Variants in USP20 observed in about 807,000 individuals in gnomAD.
USP20 encodes the protein ubiquitin carboxyl-terminal hydrolase 20.
A neutral mutation model predicts 124.2 loss-of-function variants in USP20; 80 were observed. The ratio of observed to expected loss-of-function variants is 0.64; its 90% CI spans 0.54 to 0.78. USP20 has a LOEUF of 0.78. Among genes scored for constraint, USP20 ranks in the 30% least tolerant of loss-of-function variants. The probability of loss-of-function intolerance (pLI) is 0.00; values close to 1 mark genes in which losing one functional copy is unlikely to be tolerated. For synonymous variants in USP20, 481 were observed against 512.3 expected, an observed-to-expected ratio of 0.94 and a Z score of 0.83; for missense variants, 1,043 against 1,244.4, an observed-to-expected ratio of 0.84 and a Z score of 2.44.
Position 129,835,511 on chromosome 9 carries a change from G to A in USP20, c.-129+12G>A, listed in dbSNP as rs2031740759. ...AGTTGCGAGTGCAGGTGAGTTCCGG[G>A]CCGCCACCGGCTGCTTCTGTGGGCC... On this transcript the variant is annotated intron_variant, in intron 1 of 25. Coordinates refer to ENST00000372429, the MANE Select transcript of USP20 (RefSeq NM_001110303.4). 6.6e-6 allele frequency: 2 copies of A among 302,900 alleles called. No individual in the cohort carries two copies. Among genetic ancestry groups the A allele is most frequent in the South Asian group, 6.1e-5 (1 of 16,440 alleles). The allele number at this position is 302,900 out of a possible 1,614,324, so 18.8% of individuals were successfully genotyped here. A position where few individuals can be genotyped will look rare whatever the true frequency, so the allele number is the denominator to read the frequency against.
At chr9:129,841,840 G>A (rs72755261) in intron 1 of USP20, among the ~76,000 whole-genome samples, 43 of 152,136 alleles carry the variant, frequency 2.8e-4, no homozygotes, top group African/African-American at 8.7e-4. Flanking sequence ...AGTCCCCTGC[G>A]GTGTGTCTGA....
At chr9:129,845,621 G>A (rs938521065) in intron 1 of USP20, among the ~76,000 whole-genome samples, 1 of 151,852 alleles carries the variant, frequency 6.6e-6, no homozygotes, top group African/African-American at 2.4e-5. Context: ...GCAGCCTTGA[G>A]CTTAAGGGAT....
Position 129,879,475 on chromosome 9 carries a change from C to A in USP20, c.2513-98C>A. The A allele has an allele frequency of 1.6e-6, 2 of 1,282,084 alleles. No individual in the cohort carries two copies. The highest frequency in any genetic ancestry group is 1.8e-5 in the Admixed American group (1 of 54,516). The allele number at this position is 1,282,084 out of a possible 1,614,324, so 79.4% of individuals were successfully genotyped here. ...CATCCATTAGAGACTTCACGCTGAC[C>A]CCCAGGCCTGGGGCGGCCCCACTTG... On this transcript the variant is annotated intron_variant, in intron 23 of 25. Transcript: ENST00000372429. The surrounding 1 kb of genome is among the most constrained non-coding windows in gnomAD (Gnocchi z 4.2).
At chr9:129,873,392 T>C (rs1009842332) in intron 15 of USP20, 90 bp from the exon 16 acceptor site, 5 of 1,542,108 alleles carry the variant, frequency 3.2e-6, no homozygotes, top group African/African-American at 1.4e-5. Flanking sequence ...CCAGGTTTTA[T>C]TTCTTAAGCA....
intron 8 of USP20, 68 bp downstream of exon 8, chr9:129,861,680 C>T (rs779776651): frequency 7.4e-6 from 11 of 1,484,872 alleles, no homozygotes; most frequent in Non-Finnish European, 1.0e-5. Context: ...GCAGCAGTAG[C>T]AGCCCCCAGC....
intron 10 of USP20, among the ~76,000 whole-genome samples, 162 bp downstream of exon 10, chr9:129,865,543 A>G (rs946614443): frequency 6.6e-6 from 1 of 152,246 alleles, no homozygotes; most frequent in African/African-American, 2.4e-5. Flanking sequence ...GTGTGAGGAC[A>G]GTGGAGCCTC....
rs1430281206 is a variant in USP20 at position 129,873,466 on chromosome 9, T to A, written c.1661-16T>A. 6.2e-7 allele frequency: 1 copy of A among 1,614,180 alleles called. No homozygotes were observed. On this transcript the variant is annotated splice_polypyrimidine_tract_variant and intron_variant, in intron 15 of 25. Coordinates refer to ENST00000372429, the MANE Select transcript of USP20 (RefSeq NM_001110303.4). ...GCATCCTTGCTAACCTCTGACCCTTTGTTTTACTGCCCTAGGTGACAACAT... is the reference window on the plus strand; with the variant it reads ...GCATCCTTGCTAACCTCTGACCCTTAGTTTTACTGCCCTAGGTGACAACAT...
At chr9:129,862,548 G>A (rs867750980) in intron 8 of USP20, among the ~76,000 whole-genome samples, 7 of 48,064 alleles carry the variant, frequency 1.5e-4, no homozygotes, top group South Asian at 1.1e-3. Context: ...GCGAGACTCC[G>A]TCTCAAAAAA....
intron 10 of USP20, among the ~76,000 whole-genome samples, chr9:129,867,488 G>A (rs926636408): frequency 5.3e-5 from 8 of 152,172 alleles, no homozygotes; most frequent in Non-Finnish European, 1.2e-4. Context: ...AGCAGGGGGA[G>A]CCAGAGGAAG....
intron 17 of USP20, 148 bp from the exon 18 acceptor site, chr9:129,874,428 C>A: frequency 9.7e-7 from 1 of 1,030,856 alleles, no homozygotes; most frequent in Non-Finnish European, 1.4e-6. Flanking sequence ...TTAGAGCGAG[C>A]CCAGTCTGGC....
At chr9:129,854,646 G>GA (rs11428531) in intron 3 of USP20, among the ~76,000 whole-genome samples, 133,064 of 151,818 alleles carry the variant, frequency 0.88, 58,701 homozygotes, top group East Asian at 0.99. Context: ...AACTGAAATG[G>GA]AAAAAAAACT....
At chr9:129,868,501 C>T (rs764856371) in intron 11 of USP20, 52 bp downstream of exon 11, 135 of 1,552,336 alleles carry the variant, frequency 8.7e-5, no homozygotes, top group Non-Finnish European at 1.1e-4. Flanking sequence ...GGCCCAGTAC[C>T]TACCGGGTGC....
At chr9:129,851,335 C>T (rs144934928) in intron 2 of USP20, among the ~76,000 whole-genome samples, 6 of 149,082 alleles carry the variant, frequency 4.0e-5, no homozygotes, top group East Asian at 3.9e-4. Flanking sequence ...TCACGGCTCA[C>T]TGCAGCCTTG....
At chr9:129,876,638 CAAAAAA>C (rs5900872) in intron 22 of USP20, among the ~76,000 whole-genome samples, 1 of 126,722 alleles carries the variant, frequency 7.9e-6, no homozygotes, top group African/African-American at 2.9e-5. Flanking sequence ...GACTCCATCT[CAAAAAA>C]AAAAAAAAAA....
chr9:129,868,308 T>C lies in USP20; in HGVS notation c.994T>C (p.Phe332Leu). Reference protein sequence around the residue: ...SEKERMKDRKFSWGQQRTNSE... With the variant: ...SEKERMKDRKLSWGQQRTNSE... ...GAAGGAGCGGATGAAGGACCGCAAG[T>C]TCTCCTGGGGCCAGCAGCGTACAAA... is the stretch of plus-strand genomic sequence containing the variant. The change falls in exon 11 of 26, where the codon TTC becomes CTC. Residue 332 changes from phenylalanine to leucine, a missense_variant. Physicochemically the swap from Phe to Leu is conservative, Grantham distance 22. Transcript: ENST00000372429. The C allele has an allele frequency of 6.2e-7, 1 of 1,613,790 alleles. No homozygotes were observed. Among genetic ancestry groups the C allele is most frequent in the African/African-American group, 1.3e-5 (1 of 75,000 alleles).
At chr9:129,854,761 T>C (rs2033125057) in intron 3 of USP20, among the ~76,000 whole-genome samples, 1 of 152,206 alleles carries the variant, frequency 6.6e-6, no homozygotes, top group Non-Finnish European at 1.5e-5. Context: ...ACTGATCTCC[T>C]GGCACCCACA....
In USP20 at chr9:129,861,586, C is replaced by T. The variant is rs114938651; in HGVS notation, c.471C>T (p.Asn157=). The change falls in exon 8 of 26, where the codon AAC becomes AAT. Residue 157 remains asparagine (N), a synonymous_variant. Transcript: ENST00000372429. ...ACCTCGGGAACTCCTGCTACATGAA[C>T]GCTGCCCTGCAGGCCCTGTCCAATT... ...MKNLGNSCYM[N]AALQALSNCP... 1,604 of 1,614,140 alleles carry T rather than the reference C, an allele frequency of 9.9e-4. 15 individuals are homozygous for T. The African/African-American group carries it at 0.017, about 18-fold the overall frequency.
At position 129,850,093 on chromosome 9, in the gene USP20, G is replaced by C. The variant is rs1229088232; in HGVS notation, c.-17+169G>C. Among the ~76,000 whole-genome samples, 4 of 152,138 alleles carry C rather than the reference G, an allele frequency of 2.6e-5. No individual in the cohort carries two copies. In the South Asian group the frequency reaches 8.3e-4, roughly 32 times the overall value. Reference sequence around the variant, plus strand: ...GTGATCGCCTGTGTGTCTGGGACTTGCTACAAAAGCAAGAGGAAGCAGGAG... The same window carrying C: ...GTGATCGCCTGTGTGTCTGGGACTTCCTACAAAAGCAAGAGGAAGCAGGAG... On this transcript the variant is annotated intron_variant, in intron 2 of 25. Coordinates refer to ENST00000372429, the MANE Select transcript of USP20 (RefSeq NM_001110303.4).
chr9:129,875,074 G>A (rs1296398511), intron 19 of USP20, 119 bp downstream of exon 19: 1 of 1,447,344 alleles, frequency 6.9e-7, no homozygotes, highest in Non-Finnish European at 9.1e-7. Context: ...GTAAGGACTT[G>A]GATTGTTAAG....
Sources: gnomAD v4.1 joint callset for allele counts (sites outside exome capture counted in the v4.1 genomes callset) on GRCh38, gnomAD v4.1.1 for gene constraint, Gnocchi (gnomAD v3.1) non-coding constraint, MANE v1.5 for transcripts, NCBI Gene and HGNC (gene_info 2026-07-23, HGNC 2026-07-21) for gene names.